SLMAP: variants seen among roughly 807,000 people sequenced by gnomAD.
The protein encoded by SLMAP is sarcolemma associated protein, also known as sarcolemmal membrane-associated protein.
A neutral mutation model predicts 128.8 loss-of-function variants in SLMAP; 44 were observed. The observed-to-expected ratio is 0.34, with a 90% CI of 0.27 to 0.44. SLMAP has a LOEUF of 0.44. Among genes scored for constraint, SLMAP ranks in the 20% least tolerant of loss-of-function variants. SLMAP has a pLI of 1.00. For missense variants in SLMAP, 787 were observed against 985.3 expected, an observed-to-expected ratio of 0.80 and a Z score of 2.69; for synonymous variants, 327 against 348.8, an observed-to-expected ratio of 0.94 and a Z score of 0.70.
chr3:57,763,565 G>A (rs1403890989), intron 2 of SLMAP, among the ~76,000 whole-genome samples: 4 of 152,026 alleles, frequency 2.6e-5, no homozygotes, highest in Non-Finnish European at 4.4e-5. Flanking sequence ...GTGAGCCACC[G>A]CGCCCGGCCT....
At chr3:57,819,118 T>C (rs1362064861) in intron 2 of SLMAP, among the ~76,000 whole-genome samples, 1 of 152,226 alleles carries the variant, frequency 6.6e-6, no homozygotes, top group Non-Finnish European at 1.5e-5. Flanking sequence ...TATTCACTTA[T>C]GGTCCCCAGA....
At chr3:57,902,651 A>G (rs951084153) in intron 17 of SLMAP, among the ~76,000 whole-genome samples, 45 of 152,204 alleles carry the variant, frequency 3.0e-4, no homozygotes, top group African/African-American at 1.0e-3. Flanking sequence ...TCTAGAATCC[A>G]TTGGCCTGAG....
At chr3:57,856,435 G>C (rs1453984091) in intron 6 of SLMAP, among the ~76,000 whole-genome samples, 1 of 151,942 alleles carries the variant, frequency 6.6e-6, no homozygotes, top group East Asian at 1.9e-4. Flanking sequence ...TTTTAAACTT[G>C]CTTTTACTTT....
chr3:57,765,451 G>A (rs555513101), intron 2 of SLMAP, among the ~76,000 whole-genome samples: 1 of 152,170 alleles, frequency 6.6e-6, no homozygotes, highest in East Asian at 1.9e-4. Context: ...AAGGAGTTTT[G>A]GGTGGGAGGA....
chr3:57,820,298 A>G (rs904971551), intron 2 of SLMAP, among the ~76,000 whole-genome samples: 24 of 152,180 alleles, frequency 1.6e-4, no homozygotes, highest in Non-Finnish European at 3.2e-4. Flanking sequence ...AGGTAATTAG[A>G]GACTTTTTGA....
intron 17 of SLMAP, among the ~76,000 whole-genome samples, chr3:57,902,959 T>G (rs1166493100): frequency 1.3e-5 from 2 of 152,156 alleles, no homozygotes; most frequent in African/African-American, 4.8e-5. Context: ...GAACAGAAAC[T>G]AGAACCAACA....
chr3:57,906,673 A>AT (rs1559515581), intron 17 of SLMAP, among the ~76,000 whole-genome samples: 199 of 30,914 alleles, frequency 6.4e-3, no homozygotes, highest in African/African-American at 0.012. Context: ...TATGAAAAAA[A>AT]AATATATATA....
chr3:57,839,416 C>T (rs2093806591), intron 3 of SLMAP, among the ~76,000 whole-genome samples: 1 of 151,392 alleles, frequency 6.6e-6, no homozygotes, highest in East Asian at 1.9e-4. Flanking sequence ...ATTTAATATC[C>T]CCAAATGCAT....
chr3:57,814,115 T>C (rs2091481803), intron 2 of SLMAP, among the ~76,000 whole-genome samples: 1 of 152,008 alleles, frequency 6.6e-6, no homozygotes, highest in South Asian at 2.1e-4. Flanking sequence ...TCTATTTTAT[T>C]TTTTCTCCCC....
chr3:57,923,921 T>A (rs2096958235), intron 23 of SLMAP, among the ~76,000 whole-genome samples: 1 of 152,246 alleles, frequency 6.6e-6, no homozygotes, highest in Admixed American at 6.5e-5. Flanking sequence ...GCTGCTTAGG[T>A]AGAAGCCTTT....
chr3:57,842,409 T>G (rs2093982135), intron 4 of SLMAP, among the ~76,000 whole-genome samples: 1 of 152,190 alleles, frequency 6.6e-6, no homozygotes, highest in Admixed American at 6.5e-5. Context: ...GTGTTTTCTA[T>G]TTGCGATTAC....
chr3:57,773,104 A>G (rs1435021720), intron 2 of SLMAP, among the ~76,000 whole-genome samples: 1 of 152,226 alleles, frequency 6.6e-6, no homozygotes, highest in Admixed American at 6.5e-5. Flanking sequence ...CCTCCCACCA[A>G]GTTGGATAAT....
At chr3:57,776,056 C>T (rs1340752292) in intron 2 of SLMAP, among the ~76,000 whole-genome samples, 1 of 152,140 alleles carries the variant, frequency 6.6e-6, no homozygotes, top group African/African-American at 2.4e-5. Flanking sequence ...TACTCATTCT[C>T]CCTTCTGGAA....
chr3:57,794,296 A>G (rs1472467065), intron 2 of SLMAP, among the ~76,000 whole-genome samples: 1 of 152,104 alleles, frequency 6.6e-6, no homozygotes, highest in Non-Finnish European at 1.5e-5. Flanking sequence ...CTTTGTCTCC[A>G]TGGTCTGTAG....
chr3:57,869,657 T>TATATATAA (rs1553900520), intron 13 of SLMAP, among the ~76,000 whole-genome samples: 1 of 135,538 alleles, frequency 7.4e-6, no homozygotes, highest in South Asian at 2.2e-4. Flanking sequence ...TATATATATA[T>TATATATAA]ATAATATATA....
intron 3 of SLMAP, among the ~76,000 whole-genome samples, chr3:57,833,707 ACGCCTGGCCAG>A (rs2093473908): frequency 6.6e-6 from 1 of 152,010 alleles, no homozygotes; most frequent in Admixed American, 6.6e-5. Context: ...CTAAGCCATC[ACGCCTGGCCAG>A]TAACATTAGA....
chr3:57,864,957 G>T, intron 12 of SLMAP, 100 bp downstream of exon 12: 1 of 925,808 alleles, frequency 1.1e-6, no homozygotes, highest in Non-Finnish European at 1.6e-6. Flanking sequence ...GATGTTTTAT[G>T]TATTAGGTAT....
chr3:57,829,815 A>C (rs1477125383), intron 2 of SLMAP, among the ~76,000 whole-genome samples: 1 of 152,172 alleles, frequency 6.6e-6, no homozygotes, highest in African/African-American at 2.4e-5. Context: ...CTTAGTCTTT[A>C]GTTGTATTTA....
intron 2 of SLMAP, among the ~76,000 whole-genome samples, chr3:57,784,341 T>G (rs1199186994): frequency 6.6e-6 from 1 of 152,206 alleles, no homozygotes; most frequent in African/African-American, 2.4e-5. Flanking sequence ...CTTTCCCCAG[T>G]GGGCCCAGCC....
Sources: gnomAD v4.1 joint callset for allele counts (sites outside exome capture counted in the v4.1 genomes callset) on GRCh38, gnomAD v4.1.1 for gene constraint, MANE v1.5 for transcripts, NCBI Gene and HGNC (gene_info 2026-07-23, HGNC 2026-07-21) for gene names.